Variants in MEIOSIN observed in about 807,000 individuals in gnomAD.
The protein encoded by MEIOSIN is meiosis initiator protein.
A neutral mutation model predicts 23.4 loss-of-function variants in MEIOSIN; 18 were observed. The observed-to-expected ratio is 0.77, with a 90% CI of 0.53 to 1.14. MEIOSIN has a LOEUF of 1.14. Among genes scored for constraint, MEIOSIN ranks in the 50% most tolerant of loss-of-function variants. The pLI is 0.00. For missense variants in MEIOSIN, 428 were observed against 242.9 expected (o/e 1.76, Z -5.07); for synonymous variants, 187 against 100.6 (o/e 1.86, Z -5.14).
Position 45,745,130 on chromosome 19 carries a change from C to T in MEIOSIN, c.177-62C>T, listed in dbSNP as rs1441870426. On this transcript the variant is annotated intron_variant, in intron 3 of 14. Coordinates refer to ENST00000457052, the MANE Select transcript of MEIOSIN (RefSeq NM_001310124.2). ...ATGAGTAACACAGACAGGAGGTTTG[C>T]GGGTTGGATGTGGAATTCGTTTTGG... 24 of 699,232 alleles carry T rather than the reference C, an allele frequency of 3.4e-5. No individual in the cohort carries two copies. In the East Asian group the frequency reaches 4.8e-4, roughly 14 times the overall value. 43.3% of individuals were successfully genotyped at this position (699,232 alleles called of 1,614,324 possible).
At chr19:45,760,413 T>C (rs916666830) in intron 11 of MEIOSIN, among the ~76,000 whole-genome samples, 13 of 143,174 alleles carry the variant, frequency 9.1e-5, no homozygotes, top group African/African-American at 3.1e-4. Flanking sequence ...GACCAACCAG[T>C]CTGGCCATCA....
At chr19:45,760,943 GAAAAGAAAA>G (rs886531318) in intron 11 of MEIOSIN, among the ~76,000 whole-genome samples, 1 of 143,538 alleles carries the variant, frequency 7.0e-6, no homozygotes, top group Non-Finnish European at 1.5e-5. Flanking sequence ...AAAAAAGAAA[GAAAAGAAAA>G]AAAAGAAAAG....
chr19:45,750,055 A>G lies in MEIOSIN; in HGVS notation c.307-620A>G, dbSNP rs372047883. Reference sequence around the variant, plus strand: ...AGAAAGAAAGACAGGGTTGAGCACAACAGCCAGGGCTCAAGACAACGTGGG... The same window carrying G: ...AGAAAGAAAGACAGGGTTGAGCACAGCAGCCAGGGCTCAAGACAACGTGGG... On this transcript the variant is annotated intron_variant, in intron 4 of 14. Transcript: ENST00000457052. 6.7e-5 allele frequency among the ~76,000 whole-genome samples: 10 copies of G among 149,380 alleles called. No individual in the cohort carries two copies. The East Asian group carries it at 1.4e-3, about 21-fold the overall frequency.
chr19:45,756,977 C>T (rs138708868), intron 8 of MEIOSIN, among the ~76,000 whole-genome samples, 200 bp from the exon 9 acceptor site: 36 of 152,318 alleles, frequency 2.4e-4, no homozygotes, highest in African/African-American at 8.2e-4. Context: ...CATCATCCTC[C>T]AGCGCCCTCG....
At chr19:45,757,648 G>A (rs1968856865) in intron 9 of MEIOSIN, among the ~76,000 whole-genome samples, 1 of 151,846 alleles carries the variant, frequency 6.6e-6, no homozygotes, top group African/African-American at 2.4e-5. Context: ...AGCCTCCCGA[G>A]TAGCTGGGAT....
At chr19:45,737,789 T>G (rs530453295) in intron 2 of MEIOSIN, among the ~76,000 whole-genome samples, 4 of 151,482 alleles carry the variant, frequency 2.6e-5, no homozygotes, top group Non-Finnish European at 5.9e-5. Context: ...AAAAATTAGC[T>G]GGGCATGATA....
intron 2 of MEIOSIN, among the ~76,000 whole-genome samples, chr19:45,736,853 G>A (rs1336132750): frequency 1.1e-4 from 17 of 151,248 alleles, no homozygotes; most frequent in Non-Finnish European, 1.9e-4. Flanking sequence ...TTACAGGCGT[G>A]AGCCACTGCG....
chr19:45,748,758 G>A (rs1009411390), intron 4 of MEIOSIN, among the ~76,000 whole-genome samples: 1 of 152,118 alleles, frequency 6.6e-6, no homozygotes, highest in Admixed American at 6.6e-5. Context: ...CCTGGTATTA[G>A]AGATAATAAG....
chr19:45,737,311 C>T (rs1968424270), intron 2 of MEIOSIN, among the ~76,000 whole-genome samples: 1 of 151,944 alleles, frequency 6.6e-6, no homozygotes, highest in Non-Finnish European at 1.5e-5. Context: ...CCCTGAGTAG[C>T]TGGGACCATA....
In MEIOSIN at chr19:45,764,272, C is replaced by T; in HGVS notation, c.*154C>T. 1 of 397,312 alleles carries T rather than the reference C, an allele frequency of 2.5e-6. No homozygotes were observed. Among genetic ancestry groups the T allele is most frequent in the Non-Finnish European group, 4.4e-6 (1 of 225,750 alleles). 24.6% of individuals were successfully genotyped at this position (397,312 alleles called of 1,614,324 possible). A position where few individuals can be genotyped will look rare whatever the true frequency, so the allele number is the denominator to read the frequency against. ...TGGGGAGGGGGGCACTGATTAGCCC[C>T]AACCGCTGGGCACATTTGCCTGGAG... On this transcript the variant is annotated 3_prime_UTR_variant, in exon 15 of 15. Coordinates refer to ENST00000457052, the MANE Select transcript of MEIOSIN (RefSeq NM_001310124.2).
rs1968465092 is a variant in MEIOSIN at position 45,739,621 on chromosome 19, G to A, written c.72-5G>A. 1 of 702,986 alleles carries A rather than the reference G, an allele frequency of 1.4e-6. No homozygotes were observed. Among genetic ancestry groups the A allele is most frequent in the Non-Finnish European group, 2.6e-6 (1 of 384,992 alleles). The allele number at this position is 702,986 out of a possible 1,614,324, so 43.5% of individuals were successfully genotyped here. ...TGAACCAATCACTGTGACTATTCTT[G>A]GCAGGACCTTGGTTTTGTGCTCCCT... On this transcript the variant is annotated splice_polypyrimidine_tract_variant and splice_region_variant and intron_variant, in intron 2 of 14. Transcript: ENST00000457052.
intron 3 of MEIOSIN, among the ~76,000 whole-genome samples, chr19:45,740,794 T>C (rs920601079): frequency 2.3e-4 from 33 of 145,692 alleles, no homozygotes; most frequent in South Asian, 2.0e-3. Context: ...ATAATAATAA[T>C]AACAATGATA....
At chr19:45,763,796 C>T (rs1167504463) in intron 14 of MEIOSIN, among the ~76,000 whole-genome samples, 175 bp from the exon 15 acceptor site, 3 of 152,226 alleles carry the variant, frequency 2.0e-5, no homozygotes. Flanking sequence ...TGAACACATC[C>T]CAGAGCCCTT....
intron 3 of MEIOSIN, among the ~76,000 whole-genome samples, chr19:45,740,699 G>A (rs895008412): frequency 6.6e-6 from 1 of 151,410 alleles, no homozygotes; most frequent in African/African-American, 2.4e-5. Context: ...GCAGTGAGCC[G>A]AGATCGTGCC....
rs1428290067 is a variant in MEIOSIN at position 45,764,255 on chromosome 19, G to T, written c.*137G>T. The stretch of plus-strand genomic sequence containing the variant: ...TGCAGGTCCCATGGGACTGGGGAGG[G>T]GGGCACTGATTAGCCCCAACCGCTG... On this transcript the variant is annotated 3_prime_UTR_variant, in exon 15 of 15. Transcript: ENST00000457052. 1.5e-5 allele frequency: 6 copies of T among 397,390 alleles called. No individual in the cohort carries two copies. The highest frequency in any genetic ancestry group is 2.2e-5 in the Non-Finnish European group (5 of 225,820). 24.6% of individuals were successfully genotyped at this position (397,390 alleles called of 1,614,324 possible).
At chr19:45,763,113 A>G (rs1165854479) in intron 13 of MEIOSIN, among the ~76,000 whole-genome samples, 1 of 152,186 alleles carries the variant, frequency 6.6e-6, no homozygotes, top group Non-Finnish European at 1.5e-5. Flanking sequence ...CTTTACAGGA[A>G]GATCCAGATG....
rs1042176094 is a variant in MEIOSIN at position 45,761,785 on chromosome 19, C to G, written c.1352C>G (p.Ala451Gly). The G allele has an allele frequency of 1.4e-6, 1 of 695,476 alleles. No homozygotes were observed. Among genetic ancestry groups the G allele is most frequent in the East Asian group, 2.7e-5 (1 of 36,922 alleles). 43.1% of individuals were successfully genotyped at this position (695,476 alleles called of 1,614,324 possible). A position where few individuals can be genotyped will look rare whatever the true frequency, so the allele number is the denominator to read the frequency against. The change falls in exon 12 of 15, where the codon GCG becomes GGG. Residue 451 changes from alanine (A) to glycine (G), a missense_variant. By Grantham distance (60) the Ala-to-Gly change is moderately conservative. Coordinates refer to ENST00000457052, the MANE Select transcript of MEIOSIN (RefSeq NM_001310124.2). ...CTCTCGCTGAGCGGGAACAGCAAGGCGCCATCCAGCTCCAGCTCCAGCTCC... is the reference window on the plus strand; with the variant it reads ...CTCTCGCTGAGCGGGAACAGCAAGGGGCCATCCAGCTCCAGCTCCAGCTCC... Reference protein sequence around the residue: ...CYLSLSGNSKAPSSSSSSSSS... With the variant: ...CYLSLSGNSKGPSSSSSSSSS...
At chr19:45,748,328 C>T (rs929420876) in intron 4 of MEIOSIN, among the ~76,000 whole-genome samples, 1 of 152,210 alleles carries the variant, frequency 6.6e-6, no homozygotes, top group East Asian at 1.9e-4. Flanking sequence ...GATCCACCCG[C>T]CTCGGGCTCT....
chr19:45,756,010 C>T lies in MEIOSIN; in HGVS notation c.843C>T (p.Phe281=), dbSNP rs1332899982. The T allele has an allele frequency of 1.4e-6, 1 of 702,916 alleles. No homozygotes were observed. The highest frequency in any genetic ancestry group is 1.5e-5 in the South Asian group (1 of 67,582). The allele number at this position is 702,916 out of a possible 1,614,324, so 43.5% of individuals were successfully genotyped here. A position where few individuals can be genotyped will look rare whatever the true frequency, so the allele number is the denominator to read the frequency against. Residue 281 remains phenylalanine, a synonymous_variant, in exon 8 of 15, where the codon TTC becomes TTT. Transcript: ENST00000457052. ...CQGSVQDDAP[F]PALLAQEDVA... ...GCAGTGTCCAGGATGACGCACCTTT[C>T]CCTGCGCTCCTGGCTCAGGAAGATG...
Sources: allele counts gnomAD v4.1 joint callset (sites outside exome capture counted in the v4.1 genomes callset), GRCh38; gene constraint gnomAD v4.1.1; transcripts MANE v1.5; gene names NCBI Gene and HGNC (gene_info 2026-07-23, HGNC 2026-07-21).